Variants in ARL16 observed in about 807,000 individuals in gnomAD.
The protein encoded by ARL16 is ADP-ribosylation factor-like protein 16.
Under a neutral mutation model 14.1 loss-of-function variants are expected in ARL16, and 21 were observed. The ratio of observed to expected loss-of-function variants is 1.48; its 90% CI spans 1.05 to 2.14. ARL16 has a LOEUF of 2.14. Among genes scored for constraint, ARL16 ranks in the 30% most tolerant of loss-of-function variants. The pLI, the probability that ARL16 is intolerant of heterozygous loss-of-function variation, is 0.00. For missense variants in ARL16, 248 were observed against 222.0 expected (o/e 1.12, Z -0.74); for synonymous variants, 122 against 91.8 (o/e 1.33, Z -1.88).
intron 3 of ARL16, 27 bp downstream of exon 3, chr17:81,682,986 G>A (rs192491782): frequency 2.0e-5 from 31 of 1,580,172 alleles, no homozygotes; most frequent in East Asian, 1.1e-4. Context: ...CTTCCCTAAA[G>A]GAAGCCCATA....
In ARL16 at chr17:81,683,788, G is replaced by C; in HGVS notation, c.-35C>G. 1 of 1,605,748 alleles carries C rather than the reference G, an allele frequency of 6.2e-7. No homozygotes were observed. On this transcript the variant is annotated 5_prime_UTR_variant, in exon 1 of 5. Transcript: ENST00000622299. ...CGCTCCACCCGGCACCCGTAGCTCG[G>C]CGCCGCGGCTCAAGGCCCGCCCACC... is the stretch of plus-strand genomic sequence containing the variant.
intron 4 of ARL16, 62 bp downstream of exon 4, chr17:81,681,972 C>A: frequency 6.4e-7 from 1 of 1,562,480 alleles, no homozygotes; most frequent in Non-Finnish European, 8.7e-7. Flanking sequence ...GCCATGCTTC[C>A]GGCTGTAACC....
rs772236302 is a variant in ARL16 at position 81,682,993 on chromosome 17, C to T, written c.234+20G>A. The T allele has an allele frequency of 1.4e-4, 224 of 1,599,016 alleles. No homozygotes were observed. Among genetic ancestry groups the T allele is most frequent in the South Asian group, 4.8e-4 (44 of 90,758 alleles). ...TAGACACACTTCCCTAAAGGAAGCCCATATAGGATTACAACCCACCAGGAG... is the reference window on the plus strand; with the variant it reads ...TAGACACACTTCCCTAAAGGAAGCCTATATAGGATTACAACCCACCAGGAG... On this transcript the variant is annotated intron_variant, in intron 3 of 4. Coordinates refer to ENST00000622299, the MANE Select transcript of ARL16 (RefSeq NM_001040025.3).
At position 81,681,689 on chromosome 17, in the gene ARL16, C is replaced by A; in HGVS notation, c.*19G>T. 1.3e-6 allele frequency: 2 copies of A among 1,580,760 alleles called. No individual in the cohort carries two copies. The highest frequency in any genetic ancestry group is 8.6e-7 in the Non-Finnish European group (1 of 1,164,774). On this transcript the variant is annotated 3_prime_UTR_variant, in exon 5 of 5. Transcript: ENST00000622299. ...GCCACCTCTCCCCAGCTCAGGCCAGCTGCGCCTCTGCCGTGCAGTCAATCG... is the reference window on the plus strand; with the variant it reads ...GCCACCTCTCCCCAGCTCAGGCCAGATGCGCCTCTGCCGTGCAGTCAATCG...
chr17:81,683,787 G>C lies in ARL16; in HGVS notation c.-34C>G, dbSNP rs574184462. 1 of 1,605,718 alleles carries C rather than the reference G, an allele frequency of 6.2e-7. No homozygotes were observed. The highest frequency in any genetic ancestry group is 1.1e-5 in the South Asian group (1 of 91,038). ...TCGCTCCACCCGGCACCCGTAGCTC[G>C]GCGCCGCGGCTCAAGGCCCGCCCAC... is the stretch of plus-strand genomic sequence containing the variant. On this transcript the variant is annotated 5_prime_UTR_variant, in exon 1 of 5. Coordinates refer to ENST00000622299, the MANE Select transcript of ARL16 (RefSeq NM_001040025.3).
intron 3 of ARL16, chr17:81,682,634 A>G (rs1457046957): frequency 8.6e-6 from 2 of 231,696 alleles, no homozygotes; most frequent in Non-Finnish European, 1.7e-5. Context: ...CTCTGTCCTC[A>G]TGTGGCCATC....
At chr17:81,683,364 C>G (rs1416126527) in intron 2 of ARL16, 172 bp downstream of exon 2, 1 of 990,732 alleles carries the variant, frequency 1.0e-6, no homozygotes, top group African/African-American at 1.7e-5. Flanking sequence ...GCGGCAGGCC[C>G]CCTCATCCCG....
chr17:81,683,616 G>T (rs780263109), intron 1 of ARL16, 22 bp from the exon 2 acceptor site: 8 of 1,596,046 alleles, frequency 5.0e-6, no homozygotes. Context: ...TCAAGGACCC[G>T]AGCAGCTAAA....
chr17:81,683,727 G>T lies in ARL16; in HGVS notation c.27C>A (p.Gly9=), dbSNP rs765563002. The T allele has an allele frequency of 3.1e-6, 5 of 1,607,472 alleles. No homozygotes were observed. The highest frequency in any genetic ancestry group is 4.2e-6 in the Non-Finnish European group (5 of 1,178,374). Reference sequence around the variant, plus strand: ...GTTTCACCAGCAGCGTCTTCCCGACGCCCGTGGCCCCCAGCAGGAGACACA... The same window carrying T: ...GTTTCACCAGCAGCGTCTTCCCGACTCCCGTGGCCCCCAGCAGGAGACACA... MCLLLGAT[G]VGKTLLVKRL... is the part of the protein sequence containing the mutation. Residue 9 remains glycine (G), a synonymous_variant, in exon 1 of 5, where the codon GGC becomes GGA. Coordinates refer to ENST00000622299, the MANE Select transcript of ARL16 (RefSeq NM_001040025.3).
chr17:81,683,360 G>C (rs192738139), intron 2 of ARL16, 176 bp downstream of exon 2: 480 of 954,694 alleles, frequency 5.0e-4, no homozygotes, highest in Non-Finnish European at 6.8e-4. Context: ...GAGGGCGGCA[G>C]GCCCCCTCAT....
At chr17:81,682,924 C>G (rs757915140) in intron 3 of ARL16, 89 bp downstream of exon 3, 60 of 1,217,108 alleles carry the variant, frequency 4.9e-5, no homozygotes, top group Non-Finnish European at 7.0e-5. Flanking sequence ...ACCCAAACCC[C>G]TTTCTACACA....
intron 2 of ARL16, 71 bp downstream of exon 2, chr17:81,683,465 A>T: frequency 6.9e-7 from 1 of 1,451,866 alleles, no homozygotes; most frequent in Non-Finnish European, 9.1e-7. Flanking sequence ...GTGCACTTAG[A>T]GGAGCCCGGA....
chr17:81,683,235 C>G (rs1317170404), intron 2 of ARL16, 109 bp from the exon 3 acceptor site: 2 of 1,064,122 alleles, frequency 1.9e-6, no homozygotes, highest in Non-Finnish European at 2.8e-6. Context: ...CCCCGCAGAC[C>G]CATTCTCCCT....
intron 2 of ARL16, 72 bp downstream of exon 2, chr17:81,683,464 G>C (rs1197331368): frequency 9.0e-6 from 13 of 1,452,424 alleles, no homozygotes; most frequent in Admixed American, 5.4e-5. Context: ...CGTGCACTTA[G>C]AGGAGCCCGG....
At chr17:81,683,361 G>GC (rs2036895655) in intron 2 of ARL16, 175 bp downstream of exon 2, 8 of 957,662 alleles carry the variant, frequency 8.4e-6, no homozygotes, top group Non-Finnish European at 1.2e-5. Context: ...AGGGCGGCAG[G>GC]CCCCCTCATC....
intron 2 of ARL16, 21 bp from the exon 3 acceptor site, chr17:81,683,147 C>T: frequency 6.3e-7 from 1 of 1,589,896 alleles, no homozygotes; most frequent in South Asian, 1.1e-5. Context: ...AACCACGATG[C>T]AAAAAGAACA....
chr17:81,683,361 GC>G, intron 2 of ARL16, 174 bp downstream of exon 2: 1 of 957,660 alleles, frequency 1.0e-6, no homozygotes, highest in Non-Finnish European at 1.5e-6. Context: ...AGGGCGGCAG[GC>G]CCCCTCATCC....
chr17:81,682,390 CCGCCACCA>C (rs1261345045), intron 3 of ARL16: 5 of 331,132 alleles, frequency 1.5e-5, no homozygotes, highest in Non-Finnish European at 2.8e-5. Flanking sequence ...CTACAGACAC[CCGCCACCA>C]CGCCTGGCTA....
At chr17:81,683,505 C>T (rs368003886) in intron 2 of ARL16, 31 bp downstream of exon 2, 273 of 1,536,330 alleles carry the variant, frequency 1.8e-4, no homozygotes, top group Admixed American at 2.7e-4. Context: ...ACTGACCCCC[C>T]GCAACTCCAC....
Sources: gnomAD v4.1 joint callset for allele counts on GRCh38, gnomAD v4.1.1 for gene constraint, MANE v1.5 for transcripts, NCBI Gene and HGNC (gene_info 2026-07-23, HGNC 2026-07-21) for gene names.